Variants in TSPEAR observed in about 807,000 individuals in gnomAD.
TSPEAR encodes the protein thrombospondin type laminin G domain and EAR repeats.
TSPEAR carries 69 observed loss-of-function variants against 71.6 expected under a neutral mutation model. That is an observed-to-expected ratio of 0.96 (90% CI 0.79 to 1.18). The LOEUF (loss-of-function observed/expected upper bound fraction) is 1.18. TSPEAR is among the 50% of genes most tolerant of loss of function. TSPEAR has a pLI of 0.00. For synonymous variants in TSPEAR, 402 were observed against 387.2 expected, an observed-to-expected ratio of 1.04 and a Z score of -0.45; for missense variants, 971 against 894.9, an observed-to-expected ratio of 1.09 and a Z score of -1.09.
intron 1 of TSPEAR, chr21:44,600,701 C>A (rs1980751870): frequency 6.2e-7 from 1 of 1,613,476 alleles, no homozygotes; most frequent in Non-Finnish European, 8.5e-7. Flanking sequence ...TCCTGTGACT[C>A]TTGCTCCGAC....
chr21:44,640,321 A>G (rs1555938296), intron 1 of TSPEAR, among the ~76,000 whole-genome samples: 1 of 152,252 alleles, frequency 6.6e-6, no homozygotes, highest in Non-Finnish European at 1.5e-5. Context: ...TTCTATTTGT[A>G]TGAAAGACTC....
chr21:44,535,069 TG>T (rs1348650923), intron 2 of TSPEAR, among the ~76,000 whole-genome samples: 3 of 151,932 alleles, frequency 2.0e-5, no homozygotes, highest in Non-Finnish European at 4.4e-5. Context: ...GTGCCGGGGC[TG>T]GGGGGTGATG....
At chr21:44,563,209 A>G (rs1439506912) in intron 2 of TSPEAR, among the ~76,000 whole-genome samples, 7 of 152,108 alleles carry the variant, frequency 4.6e-5, no homozygotes, top group Admixed American at 2.6e-4. Context: ...ATAACAAATG[A>G]TATAAATATA....
chr21:44,605,348 G>T (rs1338179454), intron 1 of TSPEAR, among the ~76,000 whole-genome samples: 1 of 152,118 alleles, frequency 6.6e-6, no homozygotes, highest in Non-Finnish European at 1.5e-5. Context: ...CGGATTACAA[G>T]AATTAATATT....
At chr21:44,689,479 G>A (rs1555949423) in intron 1 of TSPEAR, among the ~76,000 whole-genome samples, 1 of 150,886 alleles carries the variant, frequency 6.6e-6, no homozygotes, top group African/African-American at 2.4e-5. Flanking sequence ...TCCAGCCTGG[G>A]CGACAGAGCG....
chr21:44,702,147 G>A (rs541898640), intron 1 of TSPEAR: 255 of 1,300,350 alleles, frequency 2.0e-4, no homozygotes, highest in Non-Finnish European at 7.5e-5. Context: ...CAGGGGTGGA[G>A]ACTGAAGCGA....
rs2053310806 is a variant in TSPEAR, at chr21:44,546,793, C to T, written c.304-12870G>A. 6.6e-6 allele frequency among the ~76,000 whole-genome samples: 1 copy of T among 152,198 alleles called. No individual in the cohort carries two copies. The highest frequency in any genetic ancestry group is 1.5e-5 in the Non-Finnish European group (1 of 68,038). On this transcript the variant is annotated intron_variant, in intron 2 of 11. Transcript: ENST00000323084. This position sits in a 1 kb window ranked among gnomAD's most constrained non-coding sequence, Gnocchi z 4.4. ...TCGCTGTTAGTCTTCTGTCCAGCAG[C>T]TTTCTAGATTCTGTTTTGACTTTTG...
intron 2 of TSPEAR, chr21:44,538,978 GAATC>G: frequency 1.9e-6 from 1 of 517,432 alleles, no homozygotes; most frequent in Non-Finnish European, 3.5e-6. Context: ...ACAGAAAAGA[GAATC>G]AGGTGACCAA....
At chr21:44,552,463 G>A (rs1489382906) in intron 2 of TSPEAR, among the ~76,000 whole-genome samples, 8 of 152,120 alleles carry the variant, frequency 5.3e-5, no homozygotes, top group African/African-American at 7.2e-5. Context: ...AGCCTGGGAC[G>A]GGCTTTCATG....
rs372703770 is a variant in TSPEAR at position 44,593,135 on chromosome 21, C to T, written c.83-25130G>A. ...GGACCTGTGTGTTCCAGGGCAAGGA[C>T]GGTGGGCTTGGCCCCTCCCTGCTTG... On this transcript the variant is annotated intron_variant, in intron 1 of 11. Coordinates refer to ENST00000323084, the MANE Select transcript of TSPEAR (RefSeq NM_144991.3). The surrounding 1 kb of genome is among the most constrained non-coding windows in gnomAD (Gnocchi z 5.9). Among the ~76,000 whole-genome samples the T allele has an allele frequency of 1.9e-4, 29 of 152,316 alleles. No homozygotes were observed. Among genetic ancestry groups the T allele is most frequent in the African/African-American group, 6.0e-4 (25 of 41,570 alleles).
intron 1 of TSPEAR, chr21:44,686,360 C>T (rs1453711576): frequency 5.2e-5 from 8 of 152,714 alleles, no homozygotes; most frequent in African/African-American, 1.4e-4. Flanking sequence ...CCCGAATGCC[C>T]ATGACCTGCC....
rs781924698 is a variant in TSPEAR at position 44,573,723 on chromosome 21, TC to T, written c.83-5719del. 8 of 1,588,076 alleles carry T rather than the reference TC, an allele frequency of 5.0e-6. No homozygotes were observed. The South Asian group carries it at 8.1e-5, about 16-fold the overall frequency. ...ACTCGCTCACCCACTCCCTCCCATC[TC>T]CCCCAGCTCAACCCCCAGCACAGCA... On this transcript the variant is annotated intron_variant, in intron 1 of 11. Coordinates refer to ENST00000323084, the MANE Select transcript of TSPEAR (RefSeq NM_144991.3).
chr21:44,647,444 C>T (rs1236824549), intron 1 of TSPEAR: 19 of 1,430,336 alleles, frequency 1.3e-5, no homozygotes, highest in Non-Finnish European at 1.8e-5. Flanking sequence ...TCAGAATCCA[C>T]CAGCTCCATC....
chr21:44,540,176 C>T (rs368747664), intron 2 of TSPEAR: 54 of 1,604,560 alleles, frequency 3.4e-5, no homozygotes, highest in African/African-American at 2.9e-4. Flanking sequence ...AGGTGAGCTG[C>T]GGGAGGTGTG....
At chr21:44,634,949 C>T (rs1423124473) in intron 1 of TSPEAR, among the ~76,000 whole-genome samples, 9 of 152,184 alleles carry the variant, frequency 5.9e-5, no homozygotes, top group South Asian at 2.1e-4. Flanking sequence ...CTGGCACGTC[C>T]TCAAAATGTA....
chr21:44,680,861 C>T (rs144812685), intron 1 of TSPEAR, among the ~76,000 whole-genome samples: 82 of 152,252 alleles, frequency 5.4e-4, no homozygotes, highest in African/African-American at 1.7e-3. Context: ...AGGTGAAGAA[C>T]GGTGTGTGTT....
intron 2 of TSPEAR, among the ~76,000 whole-genome samples, chr21:44,553,102 A>C (rs1260106791): frequency 3.9e-5 from 6 of 152,262 alleles, no homozygotes; most frequent in Non-Finnish European, 7.3e-5. Flanking sequence ...CTGATGATGA[A>C]GCTGGTGAGG....
rs186383427 is a variant in TSPEAR at position 44,638,507 on chromosome 21, G to A, written c.83-70502C>T. 7.8e-3 allele frequency: 2,558 copies of A among 325,962 alleles called. 59 individuals are homozygous for A. Among genetic ancestry groups the A allele is most frequent in the Non-Finnish European group, 0.01 (1,656 of 163,594 alleles). The allele number at this position is 325,962 out of a possible 1,614,324, so 20.2% of individuals were successfully genotyped here. A position where few individuals can be genotyped will look rare whatever the true frequency, so the allele number is the denominator to read the frequency against. Reference sequence around the variant, plus strand: ...GGGGGCACAGGGTGAGGTGGGAAGTGATGCCACCCCTGACTGCAGGGAGAG... The same window carrying A: ...GGGGGCACAGGGTGAGGTGGGAAGTAATGCCACCCCTGACTGCAGGGAGAG... On this transcript the variant is annotated intron_variant, in intron 1 of 11. Transcript: ENST00000323084.
chr21:44,697,678 C>T, intron 1 of TSPEAR: 1 of 1,612,914 alleles, frequency 6.2e-7, no homozygotes, highest in Non-Finnish European at 8.5e-7. Flanking sequence ...GCTGCAAGCC[C>T]ATCTGCTGTG....
Sources: allele counts gnomAD v4.1 joint callset (sites outside exome capture counted in the v4.1 genomes callset), GRCh38; gene constraint gnomAD v4.1.1; non-coding constraint Gnocchi (gnomAD v3.1); transcripts MANE v1.5; gene names NCBI Gene and HGNC (gene_info 2026-07-23, HGNC 2026-07-21).